Variants in ANKRD24 observed in about 807,000 individuals in gnomAD.
The protein encoded by ANKRD24 is ankyrin repeat domain-containing protein 24.
ANKRD24 carries 109 observed loss-of-function variants against 127.8 expected under a neutral mutation model. That is an observed-to-expected ratio of 0.85 (90% CI 0.73 to 1.00). The LOEUF (loss-of-function observed/expected upper bound fraction) is 1.00, where lower values mean the gene tolerates loss of function less well. Among genes scored for constraint, ANKRD24 ranks in the 50% least tolerant of loss-of-function variants. The probability of loss-of-function intolerance (pLI) is 0.00; values close to 1 mark genes in which losing one functional copy is unlikely to be tolerated. For missense variants in ANKRD24, 1,648 were observed against 1,570.2 expected (o/e 1.05, Z -0.84); for synonymous variants, 743 against 671.1 (o/e 1.11, Z -1.66).
chr19:4,187,827 C>T (rs961868792), intron 2 of ANKRD24, among the ~76,000 whole-genome samples: 13 of 152,104 alleles, frequency 8.5e-5, no homozygotes, highest in African/African-American at 2.2e-4. Context: ...GAGGTGGCAC[C>T]GGAGCAGAGC....
At chr19:4,220,655 C>T (rs1467163797) in intron 19 of ANKRD24, among the ~76,000 whole-genome samples, 2 of 150,788 alleles carry the variant, frequency 1.3e-5, no homozygotes, top group East Asian at 2.0e-4. Context: ...CCCGGGTTCA[C>T]GCCATTCTCC....
chr19:4,219,180 G>A (rs985917020), intron 18 of ANKRD24, among the ~76,000 whole-genome samples: 2 of 152,090 alleles, frequency 1.3e-5, no homozygotes, highest in African/African-American at 4.8e-5. Flanking sequence ...CAGCTACTGG[G>A]GAGGCTGAGG....
intron 2 of ANKRD24, among the ~76,000 whole-genome samples, chr19:4,187,612 A>G (rs1315654455): frequency 6.6e-6 from 1 of 152,126 alleles, no homozygotes; most frequent in East Asian, 1.9e-4. Context: ...AGCCCCCTCA[A>G]GTCCCTGTGG....
At chr19:4,208,207 A>C (rs879649786) in intron 10 of ANKRD24, among the ~76,000 whole-genome samples, 5 of 152,080 alleles carry the variant, frequency 3.3e-5, no homozygotes, top group Admixed American at 6.5e-5. Context: ...TGCCTGTCCT[A>C]AGAAGGGCAC....
chr19:4,196,666 C>T (rs1373304698), intron 2 of ANKRD24, among the ~76,000 whole-genome samples: 2 of 152,202 alleles, frequency 1.3e-5, no homozygotes, highest in Non-Finnish European at 2.9e-5. Context: ...TGAGCCACCG[C>T]GCCTGGCCTC....
chr19:4,217,032 A>C lies in ANKRD24; in HGVS notation c.1872A>C (p.Gly624=), dbSNP rs1375366435. ...CAAACATGGAAACTAAGCCCACAGG[A>C]GCTCAGGCCACAGACACAGAGACCA... The part of the protein sequence containing the change: ...EEANMETKPT[G]AQATDTETTG... Residue 624 remains glycine, a synonymous_variant, in exon 18 of 22, where the codon GGA becomes GGC. Coordinates refer to ENST00000318934, the MANE Select transcript of ANKRD24 (RefSeq NM_001393985.1). The C allele has an allele frequency of 6.2e-7, 1 of 1,613,902 alleles. No individual in the cohort carries two copies. The highest frequency in any genetic ancestry group is 1.7e-5 in the Admixed American group (1 of 60,006).
In ANKRD24 at chr19:4,210,329, A is replaced by C; in HGVS notation, c.1016A>C (p.Lys339Thr). ...LRQERGRLLQ[K>T]IRGLEQHKER... ...CAGGAGAGGGGCCGCCTCCTGCAGA[A>C]GATCCGGGGCCTGGAACAGCACAAG... The change falls in exon 13 of 22, where the codon AAG becomes ACG. Residue 339 changes from lysine to threonine, a missense_variant. By Grantham distance (78) the Lys-to-Thr change is moderately conservative. Coordinates refer to ENST00000318934, the MANE Select transcript of ANKRD24 (RefSeq NM_001393985.1). 6.3e-7 allele frequency: 1 copy of C among 1,578,450 alleles called. No individual in the cohort carries two copies. The highest frequency in any genetic ancestry group is 1.7e-4 in the Middle Eastern group (1 of 6,020).
At chr19:4,219,955 A>G (rs575319564) in intron 19 of ANKRD24, among the ~76,000 whole-genome samples, 197 bp downstream of exon 19, 1 of 152,330 alleles carries the variant, frequency 6.6e-6, no homozygotes, top group South Asian at 2.1e-4. Flanking sequence ...TGTTCCAGGT[A>G]CCAATTATAA....
chr19:4,212,199 C>A (rs1468578737), intron 13 of ANKRD24, among the ~76,000 whole-genome samples: 4 of 148,306 alleles, frequency 2.7e-5, no homozygotes, highest in African/African-American at 9.9e-5. Flanking sequence ...GATTCCATCT[C>A]AAAAAAAAAG....
At chr19:4,194,978 AT>A (rs138585703) in intron 2 of ANKRD24, among the ~76,000 whole-genome samples, 2 of 150,258 alleles carry the variant, frequency 1.3e-5, no homozygotes, top group Non-Finnish European at 3.0e-5. Context: ...TGATTGATTG[AT>A]TTTTTTCAGA....
At chr19:4,215,871 G>A in intron 15 of ANKRD24, 107 bp from the exon 16 acceptor site, 1 of 817,278 alleles carries the variant, frequency 1.2e-6, no homozygotes, top group Non-Finnish European at 1.9e-6. Context: ...TGGTGCTCGT[G>A]GGAGACATAC....
In ANKRD24 at chr19:4,198,393, A is replaced by C. The variant is rs903695361; in HGVS notation, c.37-1290A>C. Reference sequence around the variant, plus strand: ...GGGGCGGGGAGCTCCGGCAGCGCCCAGCCCCGCCCTCCGGCCGCTCCCCGC... The same window carrying C: ...GGGGCGGGGAGCTCCGGCAGCGCCCCGCCCCGCCCTCCGGCCGCTCCCCGC... On this transcript the variant is annotated intron_variant, in intron 2 of 21. Coordinates refer to ENST00000318934, the MANE Select transcript of ANKRD24 (RefSeq NM_001393985.1). This position sits in a 1 kb window ranked among gnomAD's most constrained non-coding sequence, Gnocchi z 6.1. The C allele has an allele frequency of 2.3e-6, 1 of 442,198 alleles. No homozygotes were observed. The highest frequency in any genetic ancestry group is 2.1e-5 in the African/African-American group (1 of 48,584). 27.4% of individuals were successfully genotyped at this position (442,198 alleles called of 1,614,324 possible).
At chr19:4,208,569 C>T (rs755555867) in intron 10 of ANKRD24, among the ~76,000 whole-genome samples, 195 bp from the exon 11 acceptor site, 3 of 151,992 alleles carry the variant, frequency 2.0e-5, no homozygotes, top group Non-Finnish European at 4.4e-5. Context: ...AGGCATGAGT[C>T]ACCCCATCCA....
In ANKRD24 at chr19:4,216,893, A is replaced by AAGCTGAGGCCACGGG. The variant is rs1568339694; in HGVS notation, c.1737_1751dup (p.Glu590_Ala594dup). ...GAAACCATGGAAGCCAGGACTATGG[A>AAGCTGAGGCCACGGG]AGCTGAGGCCACGGGAGCCGAGGCC... On this transcript the variant is annotated inframe_insertion, in exon 18 of 22. Transcript: ENST00000318934. 4 of 1,611,160 alleles carry AAGCTGAGGCCACGGG rather than the reference A, an allele frequency of 2.5e-6. No individual in the cohort carries two copies. The highest frequency in any genetic ancestry group is 2.2e-5 in the South Asian group (2 of 90,594).
chr19:4,220,824 G>A (rs138278389), intron 19 of ANKRD24, among the ~76,000 whole-genome samples: 6,133 of 152,076 alleles, frequency 0.04, 320 homozygotes, highest in African/African-American at 0.12. Flanking sequence ...CAGAGTGCTG[G>A]GATTACAGGC....
chr19:4,216,383 A>C lies in ANKRD24; in HGVS notation c.1370A>C (p.Glu457Ala), dbSNP rs533364850. ...GCTGTGCTCACCAGACAGAACCAGG[A>C]ACTGATGGAGAAGGTCCAGGTAGGG... ...QVAVLTRQNQ[E>A]LMEKVQILEN... Residue 457 changes from glutamate (E) to alanine (A), a missense_variant, in exon 17 of 22, where the codon GAA becomes GCA. Glu to Ala is a moderately radical substitution (Grantham distance 107, BLOSUM62 -1). Coordinates refer to ENST00000318934, the MANE Select transcript of ANKRD24 (RefSeq NM_001393985.1). 9 of 1,572,108 alleles carry C rather than the reference A, an allele frequency of 5.7e-6. No homozygotes were observed. The South Asian group carries it at 1.1e-4, about 18-fold the overall frequency.
chr19:4,215,807 G>A (rs1970030156), intron 15 of ANKRD24, among the ~76,000 whole-genome samples, 171 bp from the exon 16 acceptor site: 1 of 151,376 alleles, frequency 6.6e-6, no homozygotes, highest in South Asian at 2.1e-4. Flanking sequence ...GGGAGTGGGT[G>A]GCAAAGGACA....
At position 4,220,819 on chromosome 19, in the gene ANKRD24, T is replaced by G. The variant is rs150892945; in HGVS notation, c.3171+1061T>G. The stretch of plus-strand genomic sequence containing the variant: ...ATCCGCCTGCCTCGGCCTCCCAGAG[T>G]GCTGGGATTACAGGCGTGAGTCACC... On this transcript the variant is annotated intron_variant, in intron 19 of 21. Coordinates refer to ENST00000318934, the MANE Select transcript of ANKRD24 (RefSeq NM_001393985.1). Among the ~76,000 whole-genome samples, 499 of 151,928 alleles carry G rather than the reference T, an allele frequency of 3.3e-3. 5 individuals are homozygous for G. Among genetic ancestry groups the G allele is most frequent in the African/African-American group, 0.012 (478 of 41,398 alleles).
chr19:4,218,393 C>T (rs927955989), intron 18 of ANKRD24, among the ~76,000 whole-genome samples: 4 of 151,480 alleles, frequency 2.6e-5, no homozygotes, highest in South Asian at 2.1e-4. Context: ...TCCTCTTTCC[C>T]GGTTCAAGTG....
Sources: allele counts gnomAD v4.1 joint callset (sites outside exome capture counted in the v4.1 genomes callset), GRCh38; gene constraint gnomAD v4.1.1; non-coding constraint Gnocchi (gnomAD v3.1); transcripts MANE v1.5; gene names NCBI Gene and HGNC (gene_info 2026-07-23, HGNC 2026-07-21).